Variants in MAML2 observed in about 807,000 individuals in gnomAD.
MAML2 encodes the protein mastermind-like protein 2.
In MAML2, 22 loss-of-function variants were observed where a neutral mutation model predicts 96.1. The ratio of observed to expected loss-of-function variants is 0.23; its 90% CI spans 0.16 to 0.33. MAML2 has a LOEUF of 0.33. Among genes scored for constraint, MAML2 ranks in the 10% least tolerant of loss-of-function variants. The pLI is 1.00. For missense variants in MAML2, 1,367 were observed against 1,392.4 expected, an observed-to-expected ratio of 0.98 and a Z score of 0.29; for synonymous variants, 561 against 521.3, an observed-to-expected ratio of 1.08 and a Z score of -1.04.
intron 1 of MAML2, among the ~76,000 whole-genome samples, chr11:96,174,479 GT>G (rs1202002134): frequency 6.6e-6 from 1 of 152,204 alleles, no homozygotes; most frequent in Non-Finnish European, 1.5e-5. Context: ...TGCCTCCTGG[GT>G]TCAAGCAATT....
At chr11:96,059,512 A>T (rs761517964) in intron 2 of MAML2, among the ~76,000 whole-genome samples, 9 of 152,244 alleles carry the variant, frequency 5.9e-5, no homozygotes, top group Non-Finnish European at 1.0e-4. Flanking sequence ...TAATAAACAT[A>T]GAAGTGAATA....
Position 96,341,603 on chromosome 11 carries a change from G to T in MAML2, c.293C>A (p.Thr98Asn). 6.4e-7 allele frequency: 1 copy of T among 1,551,764 alleles called. No individual in the cohort carries two copies. Among genetic ancestry groups the T allele is most frequent in the Non-Finnish European group, 8.7e-7 (1 of 1,147,058 alleles). The change falls in exon 1 of 5, where the codon ACT (threonine) becomes AAT (asparagine). Residue 98 changes from threonine (T) to asparagine (N), a missense_variant. Coordinates refer to ENST00000524717, the MANE Select transcript of MAML2 (RefSeq NM_032427.4). Reference sequence around the variant, plus strand: ...TGGAGGGGCTGTAGTGGTGGCAGCAGTGGCGGTGGCCTTGGTGTGTTTGCC... The same window carrying T: ...TGGAGGGGCTGTAGTGGTGGCAGCATTGGCGGTGGCCTTGGTGTGTTTGCC... ...KAGKHTKATA[T>N]AATTTAPPPP...
In MAML2 at chr11:96,149,024, A is replaced by G. The variant is rs146319935; in HGVS notation, c.514-55507T>C. On this transcript the variant is annotated intron_variant, in intron 1 of 4. Coordinates refer to ENST00000524717, the MANE Select transcript of MAML2 (RefSeq NM_032427.4). ...CTCGTCACTTTAGGATCTCCCTCTT[A>G]AAGGTTCCAGTAGCCCTCTGTGACG... Among the ~76,000 whole-genome samples, 481 of 152,258 alleles carry G rather than the reference A, an allele frequency of 3.2e-3. 2 individuals are homozygous for G. The highest frequency in any genetic ancestry group is 0.01 in the Middle Eastern group (3 of 294).
intron 2 of MAML2, among the ~76,000 whole-genome samples, chr11:96,039,699 C>A (rs1483806631): frequency 6.6e-6 from 1 of 152,156 alleles, no homozygotes; most frequent in East Asian, 1.9e-4. Context: ...GTAATCCCAG[C>A]ACTTTGGGAG....
chr11:96,047,040 A>G (rs916353828), intron 2 of MAML2, among the ~76,000 whole-genome samples: 1 of 152,202 alleles, frequency 6.6e-6, no homozygotes. Flanking sequence ...GCTATCAATA[A>G]ATAGACAGAA....
chr11:96,126,417 G>A (rs1345118654), intron 1 of MAML2, among the ~76,000 whole-genome samples: 1 of 135,892 alleles, frequency 7.4e-6, no homozygotes, highest in Admixed American at 7.8e-5. Context: ...AATTAGCCAG[G>A]TGTAGTAGCA....
At chr11:96,240,912 A>G in intron 1 of MAML2, among the ~76,000 whole-genome samples, 1 of 152,222 alleles carries the variant, frequency 6.6e-6, no homozygotes, top group East Asian at 1.9e-4. Flanking sequence ...AATAGCACTC[A>G]AATATATAAT....
intron 1 of MAML2, among the ~76,000 whole-genome samples, chr11:96,149,603 G>T (rs1447934534): frequency 6.6e-6 from 1 of 151,236 alleles, no homozygotes; most frequent in Non-Finnish European, 1.5e-5. Context: ...ATGGTGGCAT[G>T]TGCCTGTAGT....
chr11:96,104,385 C>T (rs1368832695), intron 1 of MAML2, among the ~76,000 whole-genome samples: 1 of 152,224 alleles, frequency 6.6e-6, no homozygotes, highest in African/African-American at 2.4e-5. Context: ...CTACTTTGCT[C>T]ATATGTCTGT....
intron 1 of MAML2, among the ~76,000 whole-genome samples, chr11:96,215,746 G>A (rs943312253): frequency 2.6e-5 from 4 of 151,900 alleles, no homozygotes; most frequent in Non-Finnish European, 2.9e-5. Context: ...CACCCCCCTC[G>A]GGTGCTGGCT....
At position 96,121,568 on chromosome 11, in the gene MAML2, A is replaced by T. The variant is rs77954621; in HGVS notation, c.514-28051T>A. Among the ~76,000 whole-genome samples the T allele has an allele frequency of 5.5e-3, 831 of 152,156 alleles. 5 individuals are homozygous for T. The highest frequency in any genetic ancestry group is 0.019 in the African/African-American group (773 of 41,494). ...TTGCTTCAAATTTAAATTTCAGCTT[A>T]TCAAAGTATTCCTTATTAATCATAA... On this transcript the variant is annotated intron_variant, in intron 1 of 4. Transcript: ENST00000524717.
intron 2 of MAML2, among the ~76,000 whole-genome samples, chr11:96,081,756 G>A (rs1333827580): frequency 6.6e-6 from 1 of 152,194 alleles, no homozygotes; most frequent in Non-Finnish European, 1.5e-5. Flanking sequence ...ATGCACCATG[G>A]AAAATTTTCA....
At chr11:96,124,944 A>T (rs1374255911) in intron 1 of MAML2, among the ~76,000 whole-genome samples, 6 of 152,206 alleles carry the variant, frequency 3.9e-5, no homozygotes, top group Admixed American at 3.3e-4. Context: ...CTCCTGTGTC[A>T]TCCACTGGTA....
chr11:96,328,450 G>C (rs1312340513), intron 1 of MAML2, among the ~76,000 whole-genome samples: 1 of 151,854 alleles, frequency 6.6e-6, no homozygotes, highest in East Asian at 1.9e-4. Flanking sequence ...AAATGACCTT[G>C]CTCACTTTAT....
Position 96,157,148 on chromosome 11 carries a change from C to T in MAML2, c.514-63631G>A, listed in dbSNP as rs1002857552. On this transcript the variant is annotated intron_variant, in intron 1 of 4. Transcript: ENST00000524717. ...TTGTAGGTTTCTCAATGCTGACATTCGGAGAATGCAGTGAAGTTTCAAAAC... is the reference window on the plus strand; with the variant it reads ...TTGTAGGTTTCTCAATGCTGACATTTGGAGAATGCAGTGAAGTTTCAAAAC... Among the ~76,000 whole-genome samples the T allele has an allele frequency of 1.3e-4, 20 of 152,174 alleles. 1 individual carries two copies. Among genetic ancestry groups the T allele is most frequent in the African/African-American group, 4.3e-4 (18 of 41,446 alleles).
chr11:96,060,346 T>A (rs956840698), intron 2 of MAML2, among the ~76,000 whole-genome samples: 1 of 152,252 alleles, frequency 6.6e-6, no homozygotes, highest in African/African-American at 2.4e-5. Context: ...TTCAATTGAT[T>A]TGGAACCTAT....
chr11:96,012,255 A>G (rs1255252073), intron 2 of MAML2, among the ~76,000 whole-genome samples: 1 of 152,208 alleles, frequency 6.6e-6, no homozygotes, highest in Non-Finnish European at 1.5e-5. Flanking sequence ...GCTTACATCA[A>G]CTGAGGATCA....
In MAML2 at chr11:96,032,370, C is replaced by T. The variant is rs564978266; in HGVS notation, c.2140-40647G>A. 5.3e-5 allele frequency among the ~76,000 whole-genome samples: 8 copies of T among 152,190 alleles called. No homozygotes were observed. The South Asian group carries it at 1.0e-3, about 20-fold the overall frequency. On this transcript the variant is annotated intron_variant, in intron 2 of 4. Transcript: ENST00000524717. Reference sequence around the variant, plus strand: ...TTGGGAGGCCGAGGCAGGTGGATCACTTGAGGTCAGAAGTAAAAGACCAGC... The same window carrying T: ...TTGGGAGGCCGAGGCAGGTGGATCATTTGAGGTCAGAAGTAAAAGACCAGC...
intron 1 of MAML2, among the ~76,000 whole-genome samples, chr11:96,163,053 A>G (rs372659152): frequency 2.0e-5 from 3 of 152,320 alleles, no homozygotes; most frequent in East Asian, 3.9e-4. Context: ...CCAAGACTTC[A>G]TTACTCACAT....
Sources: allele counts gnomAD v4.1 joint callset (sites outside exome capture counted in the v4.1 genomes callset), GRCh38; gene constraint gnomAD v4.1.1; transcripts MANE v1.5; gene names NCBI Gene and HGNC (gene_info 2026-07-23, HGNC 2026-07-21).